GPR158: variants seen among roughly 807,000 people sequenced by gnomAD.
The protein encoded by GPR158 is G protein-coupled receptor 158, also known as metabotropic glycine receptor.
Under a neutral mutation model 78.2 loss-of-function variants are expected in GPR158, and 30 were observed. The observed-to-expected ratio is 0.38, with a 90% CI of 0.29 to 0.52. The LOEUF (loss-of-function observed/expected upper bound fraction) is 0.52, where lower values mean the gene tolerates loss of function less well. Among genes scored for constraint, GPR158 ranks in the 20% least tolerant of loss-of-function variants. GPR158 has a pLI of 0.83. For synonymous variants in GPR158, 581 were observed against 591.1 expected (o/e 0.98, Z 0.25); for missense variants, 1,463 against 1,523.5 (o/e 0.96, Z 0.66).
intron 5 of GPR158, among the ~76,000 whole-genome samples, chr10:25,514,225 C>T (rs1204058927): frequency 6.6e-6 from 1 of 152,038 alleles, no homozygotes. Flanking sequence ...GTGATATTTT[C>T]CCGTTGGACA....
chr10:25,502,849 G>C (rs557908002), intron 5 of GPR158, among the ~76,000 whole-genome samples: 2 of 152,226 alleles, frequency 1.3e-5, no homozygotes, highest in African/African-American at 4.8e-5. Context: ...ATAAAGGTGG[G>C]TAGTAAATTG....
intron 2 of GPR158, among the ~76,000 whole-genome samples, chr10:25,347,955 C>T (rs1363400862): frequency 6.6e-6 from 1 of 151,870 alleles, no homozygotes; most frequent in East Asian, 1.9e-4. Flanking sequence ...TAATGCCCAG[C>T]CTTTCTGTGA....
intron 2 of GPR158, among the ~76,000 whole-genome samples, chr10:25,375,796 T>C (rs1051614052): frequency 2.6e-5 from 4 of 151,658 alleles, no homozygotes; most frequent in Non-Finnish European, 5.9e-5. Context: ...TGTAGCTTTG[T>C]AATGAGTTAT....
intron 5 of GPR158, among the ~76,000 whole-genome samples, chr10:25,500,608 G>C (rs1835937182): frequency 6.6e-6 from 1 of 152,214 alleles, no homozygotes; most frequent in African/African-American, 2.4e-5. Flanking sequence ...AAATGATCAA[G>C]TGTTTGTTCG....
chr10:25,529,645 A>C (rs997502884), intron 5 of GPR158, among the ~76,000 whole-genome samples: 3 of 152,236 alleles, frequency 2.0e-5, no homozygotes, highest in African/African-American at 7.2e-5. Context: ...AACAATGCCA[A>C]GAAATTGTGG....
intron 1 of GPR158, among the ~76,000 whole-genome samples, chr10:25,187,614 G>A (rs1397176734): frequency 6.6e-6 from 1 of 152,176 alleles, no homozygotes; most frequent in East Asian, 1.9e-4. Flanking sequence ...AATAAACTAG[G>A]TATTGATGGG....
chr10:25,176,117 C>T lies in GPR158; in HGVS notation c.697C>T (p.His233Tyr), dbSNP rs1029059062. 2 of 1,576,820 alleles carry T rather than the reference C, an allele frequency of 1.3e-6. No individual in the cohort carries two copies. Reference sequence around the variant, plus strand: ...CGGCCTCCGGCGCAAGTGGAGGCCCCACTTACACCGCCGCGGCCCCAATCA... The same window carrying T: ...CGGCCTCCGGCGCAAGTGGAGGCCCTACTTACACCGCCGCGGCCCCAATCA... ...FHGLRRKWRP[H>Y]LHRRGPNQGP... Residue 233 changes from histidine to tyrosine, a missense_variant, in exon 1 of 11, where the codon CAC becomes TAC. Physicochemically the swap from His to Tyr is moderately conservative, Grantham distance 83. Coordinates refer to ENST00000376351, the MANE Select transcript of GPR158 (RefSeq NM_020752.3). The surrounding 1 kb of genome is among the most constrained non-coding windows in gnomAD (Gnocchi z 6.3).
rs542638324 is a variant in GPR158, at chr10:25,438,366, T to C, written c.1335+25893T>C. 9.2e-5 allele frequency among the ~76,000 whole-genome samples: 14 copies of C among 152,286 alleles called. No homozygotes were observed. In the South Asian group the frequency reaches 2.7e-3, roughly 29 times the overall value. On this transcript the variant is annotated intron_variant, in intron 4 of 10. Coordinates refer to ENST00000376351, the MANE Select transcript of GPR158 (RefSeq NM_020752.3). ...AGGCAAAAAACTGAAAGGTAGAAAA[T>C]ATTGGCATCGGTAGTTATGTTAACT...
chr10:25,196,121 T>C (rs1299315878), intron 1 of GPR158, among the ~76,000 whole-genome samples: 2 of 152,136 alleles, frequency 1.3e-5, no homozygotes, highest in Non-Finnish European at 2.9e-5. Context: ...TATGATTACA[T>C]AAATTATTTT....
At chr10:25,459,139 C>CT (rs1448923443) in intron 4 of GPR158, among the ~76,000 whole-genome samples, 6 of 152,056 alleles carry the variant, frequency 3.9e-5, no homozygotes, top group African/African-American at 1.4e-4. Flanking sequence ...CCTTTTACAT[C>CT]TTTTTTTCCA....
At chr10:25,184,526 C>A (rs1852655350) in intron 1 of GPR158, among the ~76,000 whole-genome samples, 1 of 152,170 alleles carries the variant, frequency 6.6e-6, no homozygotes, top group African/African-American at 2.4e-5. Context: ...AAACATGTAA[C>A]CACATTTTCT....
At chr10:25,255,849 C>G (rs563766078) in intron 2 of GPR158, among the ~76,000 whole-genome samples, 1 of 152,128 alleles carries the variant, frequency 6.6e-6, no homozygotes, top group African/African-American at 2.4e-5. Context: ...TCATCTTTGT[C>G]GGGTAATATC....
intron 1 of GPR158, among the ~76,000 whole-genome samples, chr10:25,189,611 G>A (rs779211581): frequency 1.3e-5 from 2 of 150,564 alleles, no homozygotes; most frequent in East Asian, 4.0e-4. Context: ...ACAGGAAGGG[G>A]AACATCACAC....
chr10:25,588,091 C>T (rs1588925547), intron 7 of GPR158, among the ~76,000 whole-genome samples: 1 of 152,088 alleles, frequency 6.6e-6, no homozygotes, highest in African/African-American at 2.4e-5. Context: ...GGAAAAAAGT[C>T]AAATGAAATG....
chr10:25,272,884 C>G (rs1035829880), intron 2 of GPR158, among the ~76,000 whole-genome samples: 1 of 152,138 alleles, frequency 6.6e-6, no homozygotes, highest in Non-Finnish European at 1.5e-5. Flanking sequence ...ATTCAGAACT[C>G]CTTTGAACCA....
rs912413331 is a variant in GPR158 at position 25,312,199 on chromosome 10, T to C, written c.1009-83712T>C. 1.3e-5 allele frequency among the ~76,000 whole-genome samples: 2 copies of C among 152,184 alleles called. 1 individual carries two copies. ...CCATTTCAGAGGACTTGTTGGACCA[T>C]GTTACTTAAAAGCCATTAGTATATA... is the stretch of plus-strand genomic sequence containing the variant. On this transcript the variant is annotated intron_variant, in intron 2 of 10. Coordinates refer to ENST00000376351, the MANE Select transcript of GPR158 (RefSeq NM_020752.3).
intron 2 of GPR158, among the ~76,000 whole-genome samples, chr10:25,337,987 G>A (rs1343312684): frequency 1.3e-5 from 2 of 151,246 alleles, no homozygotes; most frequent in Admixed American, 1.3e-4. Flanking sequence ...TTTTCTTATT[G>A]ACCTATAAGA....
intron 2 of GPR158, among the ~76,000 whole-genome samples, chr10:25,346,865 A>C (rs1298641211): frequency 6.6e-6 from 1 of 152,014 alleles, no homozygotes; most frequent in Admixed American, 6.6e-5. Flanking sequence ...GCCCTGAAGC[A>C]TCGGATTAAG....
intron 1 of GPR158, among the ~76,000 whole-genome samples, chr10:25,200,828 C>T (rs1277353582): frequency 1.4e-5 from 2 of 147,830 alleles, no homozygotes; most frequent in Non-Finnish European, 3.0e-5. Context: ...TCTGGACTCC[C>T]TATTCTGTTC....
Sources: allele counts gnomAD v4.1 joint callset (sites outside exome capture counted in the v4.1 genomes callset), GRCh38; gene constraint gnomAD v4.1.1; non-coding constraint Gnocchi (gnomAD v3.1); transcripts MANE v1.5; gene names NCBI Gene and HGNC (gene_info 2026-07-23, HGNC 2026-07-21).